FBXL20: variants seen among roughly 807,000 people sequenced by gnomAD.
The protein encoded by FBXL20 is F-box and leucine rich repeat protein 20.
In FBXL20, 11 loss-of-function variants were observed where a neutral mutation model predicts 64.0. The observed-to-expected ratio is 0.17, with a 90% confidence interval of 0.11 to 0.28. The LOEUF is 0.28. Ranked by LOEUF, FBXL20 falls within the 10% of genes least tolerant of loss-of-function variation. The pLI, the probability that FBXL20 is intolerant of heterozygous loss-of-function variation, is 1.00. For missense variants in FBXL20, 303 were observed against 526.2 expected, an observed-to-expected ratio of 0.58 and a Z score of 4.15; for synonymous variants, 184 against 189.0, an observed-to-expected ratio of 0.97 and a Z score of 0.22.
At chr17:39,318,160 A>T (rs1162488163) in intron 2 of FBXL20, among the ~76,000 whole-genome samples, 1 of 152,214 alleles carries the variant, frequency 6.6e-6, no homozygotes, top group Admixed American at 6.5e-5. Flanking sequence ...GTGGGGTAAC[A>T]GGAGTTTCAT....
intron 2 of FBXL20, among the ~76,000 whole-genome samples, chr17:39,318,557 A>G (rs914252348): frequency 6.6e-6 from 1 of 152,104 alleles, no homozygotes; most frequent in Non-Finnish European, 1.5e-5. Flanking sequence ...CCTGACGAAC[A>G]TGGAGAAACC....
chr17:39,269,183 G>A (rs1356760946), intron 11 of FBXL20, among the ~76,000 whole-genome samples: 1 of 150,904 alleles, frequency 6.6e-6, no homozygotes, highest in Non-Finnish European at 1.5e-5. Context: ...GCTAATTTTT[G>A]TATTTCTTTT....
At chr17:39,339,893 G>T (rs767532382) in intron 2 of FBXL20, among the ~76,000 whole-genome samples, 1 of 151,624 alleles carries the variant, frequency 6.6e-6, no homozygotes, top group Non-Finnish European at 1.5e-5. Context: ...TGATCCGCCC[G>T]TCTCAGCCTC....
At chr17:39,385,357 G>A (rs1330311101) in intron 1 of FBXL20, among the ~76,000 whole-genome samples, 1 of 151,992 alleles carries the variant, frequency 6.6e-6, no homozygotes, top group Non-Finnish European at 1.5e-5. Context: ...GGTTACCTCT[G>A]GGGAATGAGG....
At chr17:39,328,458 T>G (rs767036367) in intron 2 of FBXL20, among the ~76,000 whole-genome samples, 13 of 152,150 alleles carry the variant, frequency 8.5e-5, no homozygotes, top group Non-Finnish European at 1.5e-4. Context: ...AAGGACACAG[T>G]TGGAAGGGGA....
intron 4 of FBXL20, among the ~76,000 whole-genome samples, chr17:39,300,464 A>G (rs1051310289): frequency 2.6e-5 from 4 of 152,226 alleles, no homozygotes; most frequent in African/African-American, 9.6e-5. Context: ...TTTTATAGAT[A>G]ATAGGCTATA....
At chr17:39,300,890 AAAT>A (rs1173902929) in intron 4 of FBXL20, 108 bp downstream of exon 4, 2 of 1,029,738 alleles carry the variant, frequency 1.9e-6, no homozygotes, top group African/African-American at 3.2e-5. Context: ...GATGCACTGA[AAAT>A]AATAGTTCCT....
chr17:39,275,180 A>C, intron 9 of FBXL20, 80 bp from the exon 10 acceptor site: 1 of 1,411,210 alleles, frequency 7.1e-7, no homozygotes, highest in Non-Finnish European at 9.5e-7. Context: ...AGCTCTGTGA[A>C]AATAATCACC....
chr17:39,339,736 C>T (rs538589900), intron 2 of FBXL20, among the ~76,000 whole-genome samples: 131 of 152,170 alleles, frequency 8.6e-4, no homozygotes, highest in Admixed American at 2.8e-3. Flanking sequence ...CAACCTCCAC[C>T]TGCAGGGTTC....
chr17:39,261,621 C>T (rs1225177843), intron 14 of FBXL20, 54 bp from the exon 15 acceptor site: 2 of 1,366,208 alleles, frequency 1.5e-6, no homozygotes, highest in East Asian at 4.6e-5. Flanking sequence ...ACAGAAAGAG[C>T]AATGTTGGTT....
chr17:39,290,574 C>CT (rs1263277390), intron 6 of FBXL20, among the ~76,000 whole-genome samples: 2 of 151,882 alleles, frequency 1.3e-5, no homozygotes, highest in Non-Finnish European at 2.9e-5. Context: ...TGTCCACAAA[C>CT]TTTTTTTTGA....
chr17:39,302,734 T>G (rs2047149038), intron 3 of FBXL20, among the ~76,000 whole-genome samples: 2 of 152,106 alleles, frequency 1.3e-5, no homozygotes, highest in African/African-American at 4.8e-5. Flanking sequence ...AGTCTTGAAC[T>G]CCTGGCCTCA....
At chr17:39,401,136 G>T (rs2048238071) in intron 1 of FBXL20, among the ~76,000 whole-genome samples, 1 of 152,198 alleles carries the variant, frequency 6.6e-6, no homozygotes, top group African/African-American at 2.4e-5. Flanking sequence ...TCCCCCGCGG[G>T]GGCCCGCTGG....
At chr17:39,338,587 C>T (rs930925162) in intron 2 of FBXL20, among the ~76,000 whole-genome samples, 2 of 152,114 alleles carry the variant, frequency 1.3e-5, no homozygotes, top group African/African-American at 4.8e-5. Context: ...AATGTAGTCT[C>T]AATGTAGTTC....
chr17:39,292,953 C>T (rs951021251), intron 6 of FBXL20, among the ~76,000 whole-genome samples: 3 of 152,020 alleles, frequency 2.0e-5, no homozygotes, highest in African/African-American at 2.4e-5. Flanking sequence ...CCATCATGCC[C>T]GGCTAATTTT....
At chr17:39,368,648 C>T (rs1348068414) in intron 1 of FBXL20, among the ~76,000 whole-genome samples, 1 of 152,004 alleles carries the variant, frequency 6.6e-6, no homozygotes, top group African/African-American at 2.4e-5. Context: ...ACCCTTCTAA[C>T]TTTTTTGTTT....
chr17:39,312,674 C>T (rs924448643), intron 2 of FBXL20, among the ~76,000 whole-genome samples: 6 of 141,448 alleles, frequency 4.2e-5, no homozygotes, highest in Non-Finnish European at 6.1e-5. Flanking sequence ...CCTGGGTTCA[C>T]GCCATTCTCC....
intron 2 of FBXL20, among the ~76,000 whole-genome samples, chr17:39,310,021 C>T (rs1478280015): frequency 6.6e-6 from 1 of 150,986 alleles, no homozygotes; most frequent in African/African-American, 2.4e-5. Context: ...GGTGTGGTGG[C>T]GTGTGCCTGT....
intron 1 of FBXL20, among the ~76,000 whole-genome samples, chr17:39,345,471 G>T (rs553574273): frequency 4.3e-4 from 65 of 152,296 alleles, no homozygotes; most frequent in African/African-American, 1.5e-3. Flanking sequence ...TAGAGGTAAT[G>T]AAGAGAAAGC....
Sources: gnomAD v4.1 joint callset for allele counts (sites outside exome capture counted in the v4.1 genomes callset) on GRCh38, gnomAD v4.1.1 for gene constraint, MANE v1.5 for transcripts, NCBI Gene and HGNC (gene_info 2026-07-23, HGNC 2026-07-21) for gene names.